Variants in CACNB2 observed in about 807,000 individuals in gnomAD.
The protein encoded by CACNB2 is calcium voltage-gated channel auxiliary subunit beta 2.
CACNB2 carries 42 observed loss-of-function variants against 73.3 expected under a neutral mutation model. That is an observed-to-expected ratio of 0.57 (90% CI 0.45 to 0.74). The LOEUF (loss-of-function observed/expected upper bound fraction) is 0.74, where lower values mean the gene tolerates loss of function less well. CACNB2 is among the 30% of genes least tolerant of loss of function. CACNB2 has a pLI of 0.00. For missense variants in CACNB2, 940 were observed against 853.0 expected (o/e 1.10, Z -1.27); for synonymous variants, 348 against 310.3 (o/e 1.12, Z -1.28).
intron 3 of CACNB2, among the ~76,000 whole-genome samples, chr10:18,431,688 T>C (rs541907043): frequency 3.9e-4 from 59 of 152,252 alleles, no homozygotes; most frequent in Non-Finnish European, 8.1e-4. Flanking sequence ...ACTCATTTGA[T>C]AAAAAAGCCA....
At chr10:18,506,958 C>G (rs1396923706) in intron 6 of CACNB2, among the ~76,000 whole-genome samples, 2 of 152,068 alleles carry the variant, frequency 1.3e-5, no homozygotes, top group East Asian at 3.9e-4. Flanking sequence ...ACCACCATGC[C>G]CGGCTAATTT....
chr10:18,350,795 G>T lies in CACNB2; in HGVS notation c.214-51129G>T, dbSNP rs185009411. On this transcript the variant is annotated intron_variant, in intron 2 of 13. Coordinates refer to ENST00000324631, the MANE Select transcript of CACNB2 (RefSeq NM_201596.3). The stretch of plus-strand genomic sequence containing the variant: ...ACTTGTGTTTTAAAAACCATTTTCT[G>T]TTTGGTTTTTTAGTGGTGGTGGTTG... Among the ~76,000 whole-genome samples, 117 of 152,262 alleles carry T rather than the reference G, an allele frequency of 7.7e-4. 1 individual carries two copies. The highest frequency in any genetic ancestry group is 2.6e-3 in the African/African-American group (110 of 41,558).
chr10:18,227,948 GT>G (rs1389941377), intron 2 of CACNB2, among the ~76,000 whole-genome samples: 1 of 150,980 alleles, frequency 6.6e-6, no homozygotes, highest in African/African-American at 2.4e-5. Flanking sequence ...GATTGAGAGA[GT>G]GAGAAGATGC....
At chr10:18,535,498 C>T (rs537030740) in intron 11 of CACNB2, among the ~76,000 whole-genome samples, 17 of 152,104 alleles carry the variant, frequency 1.1e-4, no homozygotes, top group African/African-American at 2.9e-4. Flanking sequence ...TTCGGCCGGG[C>T]GCAGTGGCTC....
chr10:18,382,973 T>C (rs778220836), intron 2 of CACNB2, among the ~76,000 whole-genome samples: 1 of 152,172 alleles, frequency 6.6e-6, no homozygotes, highest in Non-Finnish European at 1.5e-5. Flanking sequence ...ACAAGCTTGG[T>C]GTCTCTTCTG....
chr10:18,405,090 C>T (rs538603160), intron 3 of CACNB2, among the ~76,000 whole-genome samples: 3 of 152,290 alleles, frequency 2.0e-5, no homozygotes, highest in South Asian at 4.1e-4. Flanking sequence ...TTTATTCCCA[C>T]GTTGATCTTC....
At chr10:18,223,251 C>T (rs2035862670) in intron 2 of CACNB2, among the ~76,000 whole-genome samples, 1 of 152,164 alleles carries the variant, frequency 6.6e-6, no homozygotes. Context: ...ATATATCCAA[C>T]ACCTTCTATA....
intron 2 of CACNB2, among the ~76,000 whole-genome samples, chr10:18,245,309 G>A (rs2036818283): frequency 6.6e-6 from 1 of 152,014 alleles, no homozygotes. Flanking sequence ...CAGCACTGTT[G>A]CCTGTGTTCA....
At chr10:18,395,342 C>G (rs1258614204) in intron 2 of CACNB2, among the ~76,000 whole-genome samples, 1 of 152,104 alleles carries the variant, frequency 6.6e-6, no homozygotes, top group Non-Finnish European at 1.5e-5. Flanking sequence ...TCATTGCAGA[C>G]TGTCATCTCA....
intron 2 of CACNB2, among the ~76,000 whole-genome samples, chr10:18,177,464 G>T (rs12780903): frequency 2.9e-5 from 2 of 69,566 alleles, no homozygotes. Flanking sequence ...TATTAAAAAT[G>T]CAAAAAAAAA....
intron 2 of CACNB2, among the ~76,000 whole-genome samples, chr10:18,311,329 T>G (rs1288978512): frequency 6.6e-6 from 1 of 152,188 alleles, no homozygotes; most frequent in East Asian, 1.9e-4. Flanking sequence ...CTTAGTAGTC[T>G]TCTCATCTCT....
intron 2 of CACNB2, chr10:18,260,729 G>A (rs1236887846): frequency 1.0e-6 from 1 of 1,001,408 alleles, no homozygotes; most frequent in East Asian, 1.0e-4. Context: ...TGTGCATTGT[G>A]AAGAAGGCAA....
chr10:18,383,836 G>C (rs898977761), intron 2 of CACNB2, among the ~76,000 whole-genome samples: 1 of 152,082 alleles, frequency 6.6e-6, no homozygotes, highest in African/African-American at 2.4e-5. Flanking sequence ...CTCCAGAGTA[G>C]CTAGGATTAC....
Position 18,339,396 on chromosome 10 carries a change from C to G in CACNB2, c.214-62528C>G, listed in dbSNP as rs189676614. Among the ~76,000 whole-genome samples, 4 of 152,208 alleles carry G rather than the reference C, an allele frequency of 2.6e-5. No individual in the cohort carries two copies. In the East Asian group the frequency reaches 7.7e-4, roughly 29 times the overall value. Reference sequence around the variant, plus strand: ...ATTAGCCAGCTGTGATGGCACTGGCCTATAATCCCAGCTACTCAGGAGGCT... The same window carrying G: ...ATTAGCCAGCTGTGATGGCACTGGCGTATAATCCCAGCTACTCAGGAGGCT... On this transcript the variant is annotated intron_variant, in intron 2 of 13. Coordinates refer to ENST00000324631, the MANE Select transcript of CACNB2 (RefSeq NM_201596.3).
intron 2 of CACNB2, among the ~76,000 whole-genome samples, chr10:18,152,990 A>C (rs1244001414): frequency 6.6e-6 from 1 of 152,196 alleles, no homozygotes; most frequent in Non-Finnish European, 1.5e-5. Context: ...TAGAGTTTTA[A>C]TAACCCAATT....
At chr10:18,297,839 A>G (rs139610857) in intron 2 of CACNB2, among the ~76,000 whole-genome samples, 1,689 of 152,326 alleles carry the variant, frequency 0.011, 9 homozygotes, top group Middle Eastern at 0.017. Flanking sequence ...ATCCCTCCAC[A>G]GAAGTGCTTC....
intron 2 of CACNB2, among the ~76,000 whole-genome samples, chr10:18,196,653 A>C (rs2034639543): frequency 1.3e-5 from 2 of 152,136 alleles, no homozygotes; most frequent in East Asian, 1.9e-4. Flanking sequence ...TGTGCCAATC[A>C]CTTACTGATG....
At chr10:18,530,722 G>A (rs947448382) in intron 10 of CACNB2, among the ~76,000 whole-genome samples, 13 of 152,114 alleles carry the variant, frequency 8.5e-5, no homozygotes, top group African/African-American at 1.4e-4. Context: ...TCAAACCATC[G>A]TAAGTCATGG....
intron 2 of CACNB2, among the ~76,000 whole-genome samples, chr10:18,323,989 T>A (rs1327651710): frequency 6.6e-6 from 1 of 152,168 alleles, no homozygotes; most frequent in Non-Finnish European, 1.5e-5. Flanking sequence ...GTACAACAGA[T>A]AAAACATTAC....
Sources: gnomAD v4.1 joint callset for allele counts (sites outside exome capture counted in the v4.1 genomes callset) on GRCh38, gnomAD v4.1.1 for gene constraint, MANE v1.5 for transcripts, NCBI Gene and HGNC (gene_info 2026-07-23, HGNC 2026-07-21) for gene names.